SOS2: variants seen among roughly 807,000 people sequenced by gnomAD.
The protein encoded by SOS2 is SOS Ras/Rho guanine nucleotide exchange factor 2.
In SOS2, 65 loss-of-function variants were observed where a neutral mutation model predicts 148.2. That is an observed-to-expected ratio of 0.44 (90% CI 0.36 to 0.54). The LOEUF (loss-of-function observed/expected upper bound fraction) is 0.54. Ranked by LOEUF, SOS2 falls within the 20% of genes least tolerant of loss-of-function variation. SOS2 has a pLI of 0.00. For missense variants in SOS2, 1,341 were observed against 1,590.2 expected (o/e 0.84, Z 2.67); for synonymous variants, 539 against 537.1 (o/e 1.00, Z -0.05).
At chr14:50,140,300 G>A (rs983662592) in intron 16 of SOS2, among the ~76,000 whole-genome samples, 6 of 152,002 alleles carry the variant, frequency 3.9e-5, no homozygotes, top group Non-Finnish European at 5.9e-5. Context: ...AAAATTCTAC[G>A]TCATGCCTTG....
chr14:50,158,637 A>G lies in SOS2; in HGVS notation c.1862T>C (p.Phe621Ser). The change falls in exon 11 of 23, where the codon TTT (phenylalanine) becomes TCT (serine). Residue 621 changes from phenylalanine (F) to serine (S), a missense_variant. Transcript: ENST00000216373. ...ATATGTGGTAAGAAAAGTACGAACA[A>G]AATTGGGATCTGAAAAGGCAGAGCA... Reference protein sequence around the residue: ...LTYHMYADPNFVRTFLTTYRS... With the variant: ...LTYHMYADPNSVRTFLTTYRS... 1 of 1,603,382 alleles carries G rather than the reference A, an allele frequency of 6.2e-7. No homozygotes were observed. Among genetic ancestry groups the G allele is most frequent in the South Asian group, 1.1e-5 (1 of 89,914 alleles).
At chr14:50,145,360 G>C (rs776978043) in intron 15 of SOS2, 28 bp from the exon 16 acceptor site, 5 of 1,581,720 alleles carry the variant, frequency 3.2e-6, no homozygotes, top group Non-Finnish European at 4.3e-6. Context: ...TCATGGCTTA[G>C]AAAAGTTTCT....
chr14:50,144,401 A>G (rs1325796689), intron 16 of SOS2, among the ~76,000 whole-genome samples: 1 of 151,986 alleles, frequency 6.6e-6, no homozygotes, highest in African/African-American at 2.4e-5. Flanking sequence ...TTTCAATAGT[A>G]CATGTTAAAC....
In SOS2 at chr14:50,193,741, A is replaced by G. The variant is rs140303892; in HGVS notation, c.511-5041T>C. The stretch of plus-strand genomic sequence containing the variant: ...GGTTACATAACTAGACCCACATATC[A>G]AGTCATCGGGATTTTTTTTTTTTTT... On this transcript the variant is annotated intron_variant, in intron 4 of 22. Transcript: ENST00000216373. 1.3e-4 allele frequency among the ~76,000 whole-genome samples: 19 copies of G among 151,796 alleles called. No homozygotes were observed. In the East Asian group the frequency reaches 3.5e-3, roughly 28 times the overall value.
chr14:50,224,883 CAAAAAA>C (rs373602186), intron 1 of SOS2, among the ~76,000 whole-genome samples: 3 of 96,702 alleles, frequency 3.1e-5, no homozygotes, highest in Non-Finnish European at 5.8e-5. Flanking sequence ...AAAACCCTGT[CAAAAAA>C]AAAAAAAAAG....
intron 8 of SOS2, among the ~76,000 whole-genome samples, chr14:50,169,090 T>A (rs139102270): frequency 0.021 from 3,150 of 151,888 alleles, 71 homozygotes; most frequent in Non-Finnish European, 0.026. Flanking sequence ...GGCAGGCGGA[T>A]CATTTGAGGT....
chr14:50,200,345 C>G (rs948958026), intron 3 of SOS2, among the ~76,000 whole-genome samples: 14 of 151,962 alleles, frequency 9.2e-5, no homozygotes. Flanking sequence ...TTGCCCTATG[C>G]GTTAATATGC....
At chr14:50,158,732 CCTTT>C in intron 10 of SOS2, 86 bp from the exon 11 acceptor site, 1 of 836,998 alleles carries the variant, frequency 1.2e-6, no homozygotes, top group Non-Finnish European at 1.9e-6. Flanking sequence ...GGCCTTCCTC[CCTTT>C]TTCTTTTTAC....
intron 1 of SOS2, among the ~76,000 whole-genome samples, chr14:50,205,835 G>C (rs184734469): frequency 0.023 from 3,388 of 150,242 alleles, 132 homozygotes; most frequent in African/African-American, 0.077. Context: ...CAGGAGGATT[G>C]CTTGAACCTG....
intron 14 of SOS2, among the ~76,000 whole-genome samples, chr14:50,148,797 A>G (rs944994577): frequency 6.6e-6 from 1 of 152,212 alleles, no homozygotes; most frequent in African/African-American, 2.4e-5. Context: ...TAGTAAAGGT[A>G]CCTTACTATA....
intron 11 of SOS2, 132 bp downstream of exon 11, chr14:50,158,433 T>C (rs1413762520): frequency 5.2e-6 from 3 of 575,560 alleles, no homozygotes; most frequent in African/African-American, 1.9e-5. Context: ...AGAATAGTAA[T>C]ACTGCCAATT....
chr14:50,149,702 A>G (rs1247687906), intron 14 of SOS2, among the ~76,000 whole-genome samples: 6 of 152,206 alleles, frequency 3.9e-5, no homozygotes, highest in Middle Eastern at 3.2e-3. Flanking sequence ...CATCCATACT[A>G]ACTGACTTGA....
intron 7 of SOS2, among the ~76,000 whole-genome samples, chr14:50,177,976 T>C (rs1035053481): frequency 4.6e-5 from 7 of 152,062 alleles, no homozygotes; most frequent in African/African-American, 1.7e-4. Context: ...CACCAGTATA[T>C]AGACATGAAG....
chr14:50,155,150 T>C (rs1222512793), intron 12 of SOS2, among the ~76,000 whole-genome samples: 2 of 152,114 alleles, frequency 1.3e-5, no homozygotes, highest in African/African-American at 2.4e-5. Context: ...GGTTTATGGG[T>C]GTTCATTGTA....
rs1244948652 is a variant in SOS2 at position 50,145,349 on chromosome 14, T to C, written c.2505-17A>G. On this transcript the variant is annotated splice_polypyrimidine_tract_variant and intron_variant, in intron 15 of 22. Transcript: ENST00000216373. ...ACAATGCATCTAACAACAACAAAAA[T>C]TCATGGCTTAGAAAAGTTTCTTCAC... 1.3e-6 allele frequency: 2 copies of C among 1,587,760 alleles called. No individual in the cohort carries two copies. Among genetic ancestry groups the C allele is most frequent in the Non-Finnish European group, 8.5e-7 (1 of 1,170,980 alleles).
chr14:50,224,610 G>A (rs1346536501), intron 1 of SOS2, among the ~76,000 whole-genome samples: 3 of 151,958 alleles, frequency 2.0e-5, no homozygotes, highest in Admixed American at 1.3e-4. Flanking sequence ...TTTTTGGCAG[G>A]CAGGTGGCTC....
At chr14:50,227,243 C>CTTTTTTTTTTTTT (rs374477701) in intron 1 of SOS2, among the ~76,000 whole-genome samples, 7 of 112,650 alleles carry the variant, frequency 6.2e-5, no homozygotes, top group African/African-American at 7.0e-5. Flanking sequence ...TTCTTTCTTT[C>CTTTTTTTTTTTTT]TTTCTTTTTT....
intron 17 of SOS2, among the ~76,000 whole-genome samples, 199 bp from the exon 18 acceptor site, chr14:50,138,983 A>G (rs1476492253): frequency 6.6e-6 from 1 of 152,134 alleles, no homozygotes; most frequent in Admixed American, 6.5e-5. Context: ...AGAATTTAAA[A>G]TAAAAAGAAA....
intron 6 of SOS2, among the ~76,000 whole-genome samples, chr14:50,182,129 A>T (rs1281383551): frequency 6.6e-6 from 1 of 152,118 alleles, no homozygotes; most frequent in Non-Finnish European, 1.5e-5. Context: ...TTAGTTTGTT[A>T]TCAGTTAAAT....
Sources: gnomAD v4.1 joint callset for allele counts (sites outside exome capture counted in the v4.1 genomes callset) on GRCh38, gnomAD v4.1.1 for gene constraint, MANE v1.5 for transcripts, NCBI Gene and HGNC (gene_info 2026-07-23, HGNC 2026-07-21) for gene names.